SLCO1B3: variants seen among roughly 807,000 people sequenced by gnomAD.
SLCO1B3 encodes liver-specific organic anion transporter 2.
Under a neutral mutation model 71.8 loss-of-function variants are expected in SLCO1B3, and 72 were observed. The ratio of observed to expected loss-of-function variants is 1.00; its 90% CI spans 0.83 to 1.22. The LOEUF is 1.22. Ranked by LOEUF, SLCO1B3 falls within the 50% of genes most tolerant of loss-of-function variation. The probability of loss-of-function intolerance (pLI) is 0.00; values close to 1 mark genes in which losing one functional copy is unlikely to be tolerated. For missense variants in SLCO1B3, 911 were observed against 819.7 expected (o/e 1.11, Z -1.36); for synonymous variants, 298 against 278.4 (o/e 1.07, Z -0.70).
Position 20,877,915 on chromosome 12 carries a change from TCTCATG to T in SLCO1B3, c.1117_1122del (p.His373_Ala374del). 1 of 1,591,252 alleles carries T rather than the reference TCTCATG, an allele frequency of 6.3e-7. No homozygotes were observed. The highest frequency in any genetic ancestry group is 8.5e-7 in the Non-Finnish European group (1 of 1,171,284). ...GGAGCAACAGTACGGTCAGTCTGCA[TCTCATG>T]CTAACTTTTTGTTGGGTAAGACATA... On this transcript the variant is annotated inframe_deletion, in exon 10 of 16. Coordinates refer to ENST00000381545, the MANE Select transcript of SLCO1B3 (RefSeq NM_019844.4).
chr12:20,880,566 CCT>C (rs1865669736), intron 11 of SLCO1B3, among the ~76,000 whole-genome samples: 1 of 151,732 alleles, frequency 6.6e-6, no homozygotes, highest in Non-Finnish European at 1.5e-5. Context: ...TCTTATCTAA[CCT>C]CTTTTATTTC....
At chr12:20,869,307 C>T (rs1213780394) in intron 8 of SLCO1B3, among the ~76,000 whole-genome samples, 1 of 152,206 alleles carries the variant, frequency 6.6e-6, no homozygotes, top group Non-Finnish European at 1.5e-5. Context: ...TAACAGAAGG[C>T]TCGCACTCTT....
chr12:20,850,252 ATTATT>A (rs1565588601), intron 3 of SLCO1B3, among the ~76,000 whole-genome samples: 1 of 139,616 alleles, frequency 7.2e-6, no homozygotes, highest in Non-Finnish European at 1.6e-5. Context: ...TTTTATTATT[ATTATT>A]TTATTTATTT....
rs559144767 is a variant in SLCO1B3, at chr12:20,821,401, T to C, written c.84+5579T>C. On this transcript the variant is annotated intron_variant, in intron 3 of 15. Coordinates refer to ENST00000381545, the MANE Select transcript of SLCO1B3 (RefSeq NM_019844.4). ...TAGGTCAGGTGAGAGTTGAAGAGGT[T>C]TTAAGTTCTTAAGAATACAGGCTAA... Among the ~76,000 whole-genome samples the C allele has an allele frequency of 1.9e-3, 285 of 152,066 alleles. 1 individual carries two copies. The highest frequency in any genetic ancestry group is 0.011 in the South Asian group (52 of 4,810).
In SLCO1B3 at chr12:20,915,928, A is replaced by G. The variant is rs779920254; in HGVS notation, c.1866-76A>G. 1.8e-5 allele frequency: 20 copies of G among 1,142,734 alleles called. No individual in the cohort carries two copies. The Admixed American group carries it at 2.1e-4, about 12-fold the overall frequency. The allele number at this position is 1,142,734 out of a possible 1,614,324, so 70.8% of individuals were successfully genotyped here. A position where few individuals can be genotyped will look rare whatever the true frequency, so the allele number is the denominator to read the frequency against. ...TGTTTTTCTTTCTTTTAAGATATGC[A>G]TACTGGGGAGAAAAAAATGTAAGAT... On this transcript the variant is annotated intron_variant, in intron 15 of 15. Coordinates refer to ENST00000381545, the MANE Select transcript of SLCO1B3 (RefSeq NM_019844.4).
chr12:20,892,199 AT>A (rs559008052), intron 13 of SLCO1B3, among the ~76,000 whole-genome samples: 67 of 151,702 alleles, frequency 4.4e-4, no homozygotes, highest in Non-Finnish European at 8.4e-4. Context: ...CTTATTTTGA[AT>A]TTATTTTGTT....
At chr12:20,881,421 A>G (rs1865691514) in intron 12 of SLCO1B3, among the ~76,000 whole-genome samples, 1 of 152,186 alleles carries the variant, frequency 6.6e-6, no homozygotes, top group African/African-American at 2.4e-5. Flanking sequence ...TGTCAGCACT[A>G]CCTGCTTTAC....
chr12:20,900,688 A>G (rs1021515858), intron 14 of SLCO1B3, among the ~76,000 whole-genome samples: 5 of 152,170 alleles, frequency 3.3e-5, no homozygotes, highest in African/African-American at 9.6e-5. Context: ...TTTAGGAGGT[A>G]TTAAAAAGTG....
At chr12:20,838,000 T>G (rs1331492442) in intron 3 of SLCO1B3, among the ~76,000 whole-genome samples, 1 of 152,106 alleles carries the variant, frequency 6.6e-6, no homozygotes, top group Non-Finnish European at 1.5e-5. Flanking sequence ...TAGAATTTGA[T>G]GCTCTGTTGT....
intron 8 of SLCO1B3, among the ~76,000 whole-genome samples, chr12:20,866,565 A>G (rs1357881629): frequency 2.0e-5 from 3 of 152,088 alleles, no homozygotes; most frequent in Non-Finnish European, 4.4e-5. Flanking sequence ...CATAATTTGA[A>G]AATTTTCTAA....
At chr12:20,858,361 C>T (rs1734579585) in intron 4 of SLCO1B3, 78 bp from the exon 5 acceptor site, 13 of 985,524 alleles carry the variant, frequency 1.3e-5, no homozygotes, top group South Asian at 4.5e-5. Context: ...GGCATATTTG[C>T]ATTCATTTGG....
chr12:20,869,415 T>C (rs201936336), intron 8 of SLCO1B3, among the ~76,000 whole-genome samples: 112 of 17,124 alleles, frequency 6.5e-3, no homozygotes, highest in Non-Finnish European at 0.052. Flanking sequence ...TATTATAATA[T>C]TGGAATAAAG....
At chr12:20,891,671 T>G (rs948115740) in intron 13 of SLCO1B3, among the ~76,000 whole-genome samples, 1 of 152,256 alleles carries the variant, frequency 6.6e-6, no homozygotes, top group African/African-American at 2.4e-5. Flanking sequence ...ATTCATAAGT[T>G]TGTATGCATT....
chr12:20,827,759 C>T (rs1480532211), intron 3 of SLCO1B3, among the ~76,000 whole-genome samples: 2 of 151,978 alleles, frequency 1.3e-5, no homozygotes, highest in African/African-American at 4.8e-5. Flanking sequence ...TTTGTAGAGA[C>T]AGGGTTTACC....
chr12:20,897,702 A>C (rs895446656), intron 13 of SLCO1B3, among the ~76,000 whole-genome samples: 15 of 152,208 alleles, frequency 9.9e-5, no homozygotes, highest in Admixed American at 9.2e-4. Context: ...TTTCAGTAAA[A>C]GTGGGTTATT....
intron 3 of SLCO1B3, among the ~76,000 whole-genome samples, chr12:20,816,048 T>C (rs67516591): frequency 0.19 from 29,569 of 152,150 alleles, 3,536 homozygotes; most frequent in African/African-American, 0.35. Flanking sequence ...AAGGTTTATT[T>C]ATTTTTAACT....
chr12:20,884,185 A>C (rs1422178858), intron 13 of SLCO1B3, among the ~76,000 whole-genome samples: 1 of 152,198 alleles, frequency 6.6e-6, no homozygotes, highest in East Asian at 1.9e-4. Flanking sequence ...TTTCCTAGTA[A>C]GTAAAACCAA....
chr12:20,834,832 C>G (rs918363757), intron 3 of SLCO1B3, among the ~76,000 whole-genome samples: 2 of 152,136 alleles, frequency 1.3e-5, no homozygotes, highest in African/African-American at 2.4e-5. Context: ...TCTGGAGGAT[C>G]GTAGCCCTCT....
At chr12:20,883,390 T>G in intron 12 of SLCO1B3, 28 bp from the exon 13 acceptor site, 1 of 1,348,566 alleles carries the variant, frequency 7.4e-7, no homozygotes, top group Admixed American at 2.6e-5. Flanking sequence ...GCAAATGTAT[T>G]TGTTAATATT....
Sources: gnomAD v4.1 joint callset for allele counts (sites outside exome capture counted in the v4.1 genomes callset) on GRCh38, gnomAD v4.1.1 for gene constraint, MANE v1.5 for transcripts, NCBI Gene and HGNC (gene_info 2026-07-23, HGNC 2026-07-21) for gene names.